Variants in ATL1 observed in about 807,000 individuals in gnomAD.
ATL1 encodes the protein atlastin-1.
In ATL1, 31 loss-of-function variants were observed where a neutral mutation model predicts 75.5. The ratio of observed to expected loss-of-function variants is 0.41; its 90% CI spans 0.31 to 0.55. ATL1 has a LOEUF of 0.55. Ranked by LOEUF, ATL1 falls within the 20% of genes least tolerant of loss-of-function variation. The probability of loss-of-function intolerance (pLI) is 0.27; values close to 1 mark genes in which losing one functional copy is unlikely to be tolerated. For missense variants in ATL1, 405 were observed against 662.6 expected (o/e 0.61, Z 4.27); for synonymous variants, 226 against 233.3 (o/e 0.97, Z 0.28).
At chr14:50,574,529 A>C (rs188749435) in intron 1 of ATL1, among the ~76,000 whole-genome samples, 8 of 152,326 alleles carry the variant, frequency 5.3e-5, no homozygotes, top group Admixed American at 4.6e-4. Context: ...AGCTGACTCA[A>C]AGATGATTAA....
At chr14:50,570,554 T>G (rs182954856) in intron 1 of ATL1, among the ~76,000 whole-genome samples, 9 of 152,296 alleles carry the variant, frequency 5.9e-5, no homozygotes, top group Admixed American at 5.9e-4. Flanking sequence ...AATTTCTTTT[T>G]GGTTTATTTT....
rs934266615 is a variant in ATL1, at chr14:50,586,863, T to G, written c.35-968T>G. 2.0e-5 allele frequency among the ~76,000 whole-genome samples: 3 copies of G among 152,208 alleles called. No homozygotes were observed. In the South Asian group the frequency reaches 6.2e-4, roughly 31 times the overall value. The stretch of plus-strand genomic sequence containing the variant: ...TGGGAAATTTAATTAGATTCTTAAT[T>G]TTCTCATGTGTCAAAAATACAGATA... On this transcript the variant is annotated intron_variant, in intron 1 of 13. Transcript: ENST00000358385.
intron 5 of ATL1, among the ~76,000 whole-genome samples, chr14:50,595,307 T>A (rs2039203701): frequency 6.6e-6 from 1 of 152,142 alleles, no homozygotes; most frequent in African/African-American, 2.4e-5. Flanking sequence ...TATGAAAGTG[T>A]TAATTTTAAA....
At chr14:50,544,556 T>C (rs2140150547) in intron 1 of ATL1, among the ~76,000 whole-genome samples, 1 of 152,318 alleles carries the variant, frequency 6.6e-6, no homozygotes, top group Non-Finnish European at 1.5e-5. Context: ...ACATGACTTA[T>C]TCTGTCTCTA....
chr14:50,591,118 A>T (rs534734588), intron 3 of ATL1, 43 bp downstream of exon 3: 1 of 1,585,110 alleles, frequency 6.3e-7, no homozygotes, highest in African/African-American at 1.3e-5. Context: ...TTTCACTTAT[A>T]ACAGTTACTA....
chr14:50,614,737 C>G (rs2039398801), intron 8 of ATL1, among the ~76,000 whole-genome samples: 1 of 152,096 alleles, frequency 6.6e-6, no homozygotes, highest in African/African-American at 2.4e-5. Context: ...AGGCCGGATC[C>G]TGAGTTCACC....
At chr14:50,631,648 C>G (rs1245162974) in intron 13 of ATL1, among the ~76,000 whole-genome samples, 1 of 151,916 alleles carries the variant, frequency 6.6e-6, no homozygotes, top group Admixed American at 6.6e-5. Context: ...GGAAAGCTTG[C>G]TGAGGTAATG....
chr14:50,543,504 T>C (rs2140149137), intron 1 of ATL1, among the ~76,000 whole-genome samples: 1 of 152,330 alleles, frequency 6.6e-6, no homozygotes, highest in East Asian at 1.9e-4. Context: ...CAAATATCTT[T>C]GAGCAAGAAA....
At chr14:50,549,739 C>T (rs557335850) in intron 1 of ATL1, among the ~76,000 whole-genome samples, 39 of 152,278 alleles carry the variant, frequency 2.6e-4, no homozygotes, top group Middle Eastern at 3.4e-3. Context: ...TACCATATAA[C>T]CCAACAGGGG....
intron 6 of ATL1, among the ~76,000 whole-genome samples, chr14:50,600,075 C>T (rs2039258074): frequency 6.6e-6 from 1 of 151,040 alleles, no homozygotes; most frequent in Admixed American, 6.6e-5. Context: ...ACTTGTTACT[C>T]AGAACCACTG....
chr14:50,628,190 G>A lies in ATL1; in HGVS notation c.1279G>A (p.Glu427Lys). Residue 427 changes from glutamate (E) to lysine (K), a missense_variant, in exon 12 of 14, where the codon GAA becomes AAA. Physicochemically the swap from Glu to Lys is moderately conservative, Grantham distance 56. Transcript: ENST00000358385. ...YLQQLESEID[E>K]LYIQYIKHND... The stretch of plus-strand genomic sequence containing the variant: ...GCAGCAGTTGGAGAGTGAAATAGAT[G>A]AACTTTACATCCAATATATCAAGCA... 5 of 1,614,082 alleles carry A rather than the reference G, an allele frequency of 3.1e-6. No individual in the cohort carries two copies. Among genetic ancestry groups the A allele is most frequent in the Non-Finnish European group, 4.2e-6 (5 of 1,180,020 alleles).
chr14:50,552,159 A>G (rs1377688516), intron 1 of ATL1, among the ~76,000 whole-genome samples: 9 of 152,230 alleles, frequency 5.9e-5, no homozygotes, highest in Admixed American at 5.9e-4. Flanking sequence ...AGTTCAGTAA[A>G]GTTTCGGGAT....
chr14:50,587,899 G>T lies in ATL1; in HGVS notation c.103G>T (p.Val35Phe). ...EEEPVKKAGP[V>F]QVLIVKDDHS... is the part of the protein sequence containing the mutation. ...GGAGCCAGTGAAAAAGGCAGGACCAGTCCAAGTCCTCATTGTCAAAGATGA... is the reference window on the plus strand; with the variant it reads ...GGAGCCAGTGAAAAAGGCAGGACCATTCCAAGTCCTCATTGTCAAAGATGA... Residue 35 changes from valine (V) to phenylalanine (F), a missense_variant, in exon 2 of 14, where the codon GTC becomes TTC. By Grantham distance (50) the Val-to-Phe change is conservative. Coordinates refer to ENST00000358385, the MANE Select transcript of ATL1 (RefSeq NM_015915.5). 6.2e-7 allele frequency: 1 copy of T among 1,614,184 alleles called. No individual in the cohort carries two copies. Among genetic ancestry groups the T allele is most frequent in the Non-Finnish European group, 8.5e-7 (1 of 1,180,026 alleles).
intron 6 of ATL1, among the ~76,000 whole-genome samples, chr14:50,599,952 A>T (rs1032479884): frequency 1.3e-5 from 2 of 151,308 alleles, no homozygotes; most frequent in East Asian, 3.9e-4. Flanking sequence ...AGTCTTCTAT[A>T]TGATTTACAA....
chr14:50,537,002 G>C (rs183399379), intron 1 of ATL1, among the ~76,000 whole-genome samples: 1 of 152,374 alleles, frequency 6.6e-6, no homozygotes, highest in African/African-American at 2.4e-5. Flanking sequence ...GTAACGAAAA[G>C]CTGAATATTA....
chr14:50,573,975 G>C lies in ATL1; in HGVS notation c.34+13676G>C, dbSNP rs1290354457. On this transcript the variant is annotated intron_variant, in intron 1 of 13. Transcript: ENST00000358385. The stretch of plus-strand genomic sequence containing the variant: ...GTAGATGCTTTATGTTTCTTTTGCT[G>C]GTTTAGTTTCTGGTACTACTGAGCT... 2.0e-5 allele frequency among the ~76,000 whole-genome samples: 3 copies of C among 152,082 alleles called. No homozygotes were observed. In the East Asian group the frequency reaches 5.8e-4, roughly 29 times the overall value.
chr14:50,588,558 C>G (rs1220765823), intron 2 of ATL1, among the ~76,000 whole-genome samples: 1 of 152,158 alleles, frequency 6.6e-6, no homozygotes, highest in Non-Finnish European at 1.5e-5. Flanking sequence ...ATCCCTCTTT[C>G]CAGCCATCAC....
chr14:50,553,479 G>T (rs2038728116), intron 1 of ATL1, among the ~76,000 whole-genome samples: 1 of 151,986 alleles, frequency 6.6e-6, no homozygotes, highest in Non-Finnish European at 1.5e-5. Flanking sequence ...GTGGTGAAAA[G>T]GGAGCTCTTT....
chr14:50,607,174 GT>G (rs2039323343), intron 6 of ATL1, among the ~76,000 whole-genome samples: 1 of 152,056 alleles, frequency 6.6e-6, no homozygotes. Flanking sequence ...GCACCTGTAA[GT>G]CTAAGAGTCA....
Sources: allele counts gnomAD v4.1 joint callset (sites outside exome capture counted in the v4.1 genomes callset), GRCh38; gene constraint gnomAD v4.1.1; transcripts MANE v1.5; gene names NCBI Gene and HGNC (gene_info 2026-07-23, HGNC 2026-07-21).